Variants in SLC25A30 observed in about 807,000 individuals in gnomAD.
The protein encoded by SLC25A30 is solute carrier family 25 member 30.
Under a neutral mutation model 42.7 loss-of-function variants are expected in SLC25A30, and 29 were observed. The observed-to-expected ratio is 0.68, with a 90% CI of 0.51 to 0.93. The LOEUF is 0.93. Ranked by LOEUF, SLC25A30 falls within the 40% of genes least tolerant of loss-of-function variation. The pLI is 0.00. For missense variants in SLC25A30, 300 were observed against 359.7 expected (o/e 0.83, Z 1.34); for synonymous variants, 124 against 131.0 (o/e 0.95, Z 0.37).
intron 7 of SLC25A30, among the ~76,000 whole-genome samples, chr13:45,399,720 G>GT (rs1305609617): frequency 3.3e-5 from 5 of 151,986 alleles, no homozygotes; most frequent in Admixed American, 6.6e-5. Flanking sequence ...CTATTTACCT[G>GT]TAAGTGGACA....
the SLC25A30 span, among the ~76,000 whole-genome samples, chr13:45,432,060 A>G: frequency 6.6e-6 from 1 of 152,054 alleles, no homozygotes; most frequent in African/African-American, 2.4e-5. Flanking sequence ...ACTTGAGGTC[A>G]GGAGTATGAC....
the SLC25A30 span, among the ~76,000 whole-genome samples, chr13:45,433,830 T>A: frequency 2.0e-5 from 3 of 152,202 alleles, no homozygotes; most frequent in Non-Finnish European, 2.9e-5. Context: ...ACAAACACAC[T>A]ACTGAGACAA....
the SLC25A30 span, among the ~76,000 whole-genome samples, chr13:45,425,501 T>G: frequency 1.8e-5 from 2 of 110,776 alleles, no homozygotes; most frequent in Non-Finnish European, 3.4e-5. Context: ...TATAAGTATA[T>G]AGAAATATAT....
the SLC25A30 span, among the ~76,000 whole-genome samples, chr13:45,425,541 T>TATATATATATACGTATATATATAA: frequency 1.7e-5 from 1 of 58,650 alleles, no homozygotes; most frequent in African/African-American, 7.6e-5. Flanking sequence ...TGTATAAGTA[T>TATATATATATACGTATATATATAA]ATATATATAA....
At chr13:45,400,035 C>CATAT (rs1308097342) in intron 7 of SLC25A30, among the ~76,000 whole-genome samples, 1 of 111,596 alleles carries the variant, frequency 9.0e-6, no homozygotes, top group African/African-American at 3.5e-5. Flanking sequence ...TATATATATA[C>CATAT]ACACACACAC....
chr13:45,395,391 T>A lies in SLC25A30; in HGVS notation c.*583A>T. 1 of 986,464 alleles carries A rather than the reference T, an allele frequency of 1.0e-6. No individual in the cohort carries two copies. Among genetic ancestry groups the A allele is most frequent in the Non-Finnish European group, 1.2e-6 (1 of 830,594 alleles). 61.1% of individuals were successfully genotyped at this position (986,464 alleles called of 1,614,324 possible). ...GTCTTCAAAGCTTAAAATCACTTAT[T>A]ATAAGTGGAAGATCCTGCCAAAATA... is the stretch of plus-strand genomic sequence containing the variant. On this transcript the variant is annotated 3_prime_UTR_variant, in exon 10 of 10. Transcript: ENST00000519676.
chr13:45,401,857 C>T (rs974023320), intron 6 of SLC25A30, among the ~76,000 whole-genome samples: 1 of 151,956 alleles, frequency 6.6e-6, no homozygotes, highest in Non-Finnish European at 1.5e-5. Flanking sequence ...GTCAGGAGTT[C>T]GAGACCAGCC....
intron 1 of SLC25A30, among the ~76,000 whole-genome samples, chr13:45,413,349 G>A (rs184230696): frequency 6.6e-6 from 1 of 152,260 alleles, no homozygotes; most frequent in East Asian, 1.9e-4. Context: ...AAGATTGTAA[G>A]AGACTGTAAG....
intron 3 of SLC25A30, among the ~76,000 whole-genome samples, chr13:45,408,637 C>T (rs1366676836): frequency 6.6e-6 from 1 of 152,102 alleles, no homozygotes; most frequent in African/African-American, 2.4e-5. Context: ...AGAAAAAGAG[C>T]TATTTTCAAA....
intron 6 of SLC25A30, 30 bp from the exon 7 acceptor site, chr13:45,401,237 T>A (rs1881947505): frequency 6.2e-7 from 1 of 1,610,964 alleles, no homozygotes; most frequent in Non-Finnish European, 8.5e-7. Context: ...ATAAAAATGA[T>A]TCTGATATGC....
Position 45,400,029 on chromosome 13 carries a change from T to TACAC in SLC25A30, c.615-952_615-951insGTGT, listed in dbSNP as rs1394174940. On this transcript the variant is annotated intron_variant, in intron 7 of 9. Transcript: ENST00000519676. ...TTATGTATGATTATATATATATATA[T>TACAC]ATATACACACACACACACACACACA... Among the ~76,000 whole-genome samples the TACAC allele has an allele frequency of 4.1e-5, 5 of 121,130 alleles. No homozygotes were observed. In the East Asian group the frequency reaches 7.7e-4, roughly 19 times the overall value. The allele number at this position is 121,130 out of a possible 152,430, so 79.5% of individuals were successfully genotyped here.
At chr13:45,402,904 T>C (rs535049163) in intron 5 of SLC25A30, 2 of 641,554 alleles carry the variant, frequency 3.1e-6, no homozygotes, top group Non-Finnish European at 3.9e-6. Context: ...TACACTTTAA[T>C]TAGTGGAATC....
At chr13:45,408,544 G>A (rs1882722513) in intron 3 of SLC25A30, among the ~76,000 whole-genome samples, 1 of 152,070 alleles carries the variant, frequency 6.6e-6, no homozygotes, top group African/African-American at 2.4e-5. Context: ...AATACTGAAA[G>A]ACTGGAAAGT....
chr13:45,423,268 G>A (rs961619152), upstream of SLC25A30, among the ~76,000 whole-genome samples: 3 of 151,740 alleles, frequency 2.0e-5, no homozygotes, highest in African/African-American at 7.3e-5. Flanking sequence ...CTGCTAAAAA[G>A]TACTTCTGCT....
In SLC25A30 at chr13:45,395,930, G is replaced by A; in HGVS notation, c.*44C>T. On this transcript the variant is annotated 3_prime_UTR_variant, in exon 10 of 10. Coordinates refer to ENST00000519676, the MANE Select transcript of SLC25A30 (RefSeq NM_001010875.4). Reference sequence around the variant, plus strand: ...AAACACAGGAAGCTTTGCTGTTTCAGAAGTTACCATTTTCAGAAAGATGTC... The same window carrying A: ...AAACACAGGAAGCTTTGCTGTTTCAAAAGTTACCATTTTCAGAAAGATGTC... 1 of 1,614,106 alleles carries A rather than the reference G, an allele frequency of 6.2e-7. No homozygotes were observed. Among genetic ancestry groups the A allele is most frequent in the Non-Finnish European group, 8.5e-7 (1 of 1,180,016 alleles).
At chr13:45,416,995 T>C (rs989616776) in intron 1 of SLC25A30, among the ~76,000 whole-genome samples, 15 of 152,186 alleles carry the variant, frequency 9.9e-5, no homozygotes, top group Admixed American at 7.2e-4. Context: ...TTCGTACTTT[T>C]GAACGCTTTC....
chr13:45,393,318 T>C lies in SLC25A30; in HGVS notation c.*2656A>G. On this transcript the variant is annotated 3_prime_UTR_variant, in exon 10 of 10. Transcript: ENST00000519676. Reference sequence around the variant, plus strand: ...TTATCTGAAATAACCAGAAATCATTTTTATTATTATATATTACTCCAGTTT... The same window carrying C: ...TTATCTGAAATAACCAGAAATCATTCTTATTATTATATATTACTCCAGTTT... 1.0e-6 allele frequency: 1 copy of C among 967,746 alleles called. No homozygotes were observed. Among genetic ancestry groups the C allele is most frequent in the African/African-American group, 1.8e-5 (1 of 56,970 alleles). The allele number at this position is 967,746 out of a possible 1,614,324, so 59.9% of individuals were successfully genotyped here. A position where few individuals can be genotyped will look rare whatever the true frequency, so the allele number is the denominator to read the frequency against.
rs960045297 is a variant in SLC25A30 at position 45,393,866 on chromosome 13, T to C, written c.*2108A>G. On this transcript the variant is annotated 3_prime_UTR_variant, in exon 10 of 10. Coordinates refer to ENST00000519676, the MANE Select transcript of SLC25A30 (RefSeq NM_001010875.4). ...TTCTTTCCACCTTGGTAGGAACATG[T>C]ATGTAATTTGAATAAACTGGTAATA... 5.1e-6 allele frequency: 5 copies of C among 985,392 alleles called. No individual in the cohort carries two copies. Among genetic ancestry groups the C allele is most frequent in the Non-Finnish European group, 6.0e-6 (5 of 829,868 alleles). 61.0% of individuals were successfully genotyped at this position (985,392 alleles called of 1,614,324 possible). A position where few individuals can be genotyped will look rare whatever the true frequency, so the allele number is the denominator to read the frequency against.
upstream of SLC25A30, among the ~76,000 whole-genome samples, chr13:45,419,014 C>T (rs2137712863): frequency 7.9e-6 from 1 of 127,084 alleles, no homozygotes; most frequent in Admixed American, 9.0e-5. Context: ...GCCTGTAATC[C>T]CAGCCACTCG....
Sources: allele counts gnomAD v4.1 joint callset (sites outside exome capture counted in the v4.1 genomes callset), GRCh38; gene constraint gnomAD v4.1.1; transcripts MANE v1.5; gene names NCBI Gene and HGNC (gene_info 2026-07-23, HGNC 2026-07-21).